SH3PXD2A: variants seen among roughly 807,000 people sequenced by gnomAD.
SH3PXD2A encodes SH3 and PX domains 2A.
SH3PXD2A carries 32 observed loss-of-function variants against 115.2 expected under a neutral mutation model. The observed-to-expected ratio is 0.28, with a 90% CI of 0.21 to 0.37. The LOEUF (loss-of-function observed/expected upper bound fraction) is 0.37, where lower values mean the gene tolerates loss of function less well. Among genes scored for constraint, SH3PXD2A ranks in the 10% least tolerant of loss-of-function variants. The probability of loss-of-function intolerance (pLI) is 1.00; values close to 1 mark genes in which losing one functional copy is unlikely to be tolerated. For synonymous variants in SH3PXD2A, 610 were observed against 629.1 expected (o/e 0.97, Z 0.45); for missense variants, 1,328 against 1,498.7 (o/e 0.89, Z 1.88).
intron 5 of SH3PXD2A, among the ~76,000 whole-genome samples, chr10:103,703,144 C>A (rs2037940414): frequency 6.6e-6 from 1 of 152,210 alleles, no homozygotes. Flanking sequence ...TTGTTTCTGC[C>A]TTGGCCTCTG....
intron 5 of SH3PXD2A, among the ~76,000 whole-genome samples, chr10:103,695,097 G>C (rs2037808685): frequency 6.6e-6 from 1 of 152,200 alleles, no homozygotes; most frequent in South Asian, 2.1e-4. Flanking sequence ...CTGGGGAAGG[G>C]CAGGGAGTGA....
At chr10:103,700,665 A>G (rs2037882120) in intron 5 of SH3PXD2A, among the ~76,000 whole-genome samples, 1 of 152,200 alleles carries the variant, frequency 6.6e-6, no homozygotes, top group African/African-American at 2.4e-5. Flanking sequence ...GATTTCTTAG[A>G]GGGCAAAATG....
At chr10:103,612,778 C>G in intron 12 of SH3PXD2A, 75 bp downstream of exon 12, 1 of 1,075,062 alleles carries the variant, frequency 9.3e-7, no homozygotes, top group Non-Finnish European at 1.3e-6. Context: ...GTGCACCCCC[C>G]TGGCTTTCAC....
chr10:103,829,941 G>A (rs2039468572), intron 1 of SH3PXD2A, among the ~76,000 whole-genome samples: 1 of 152,194 alleles, frequency 6.6e-6, no homozygotes, highest in African/African-American at 2.4e-5. Context: ...TTTAAACAGA[G>A]CTAAATCCCA....
At chr10:103,607,611 A>G (rs2036342270) in intron 13 of SH3PXD2A, among the ~76,000 whole-genome samples, 1 of 152,074 alleles carries the variant, frequency 6.6e-6, no homozygotes, top group Non-Finnish European at 1.5e-5. Context: ...CTGGGCAGTG[A>G]GGAGCCCCTC....
chr10:103,782,937 G>T (rs4918051), intron 2 of SH3PXD2A, among the ~76,000 whole-genome samples: 11 of 140,342 alleles, frequency 7.8e-5, no homozygotes, highest in Middle Eastern at 3.5e-3. Context: ...ATGCCTTGGG[G>T]GGGGGGGCTC....
At chr10:103,667,911 G>A (rs1209157520) in intron 7 of SH3PXD2A, among the ~76,000 whole-genome samples, 1 of 152,212 alleles carries the variant, frequency 6.6e-6, no homozygotes, top group Non-Finnish European at 1.5e-5. Context: ...ACTAAAGGTT[G>A]AAGGCAAGTC....
chr10:103,715,875 A>G (rs906929387), intron 5 of SH3PXD2A, among the ~76,000 whole-genome samples: 5 of 152,180 alleles, frequency 3.3e-5, no homozygotes, highest in Non-Finnish European at 7.3e-5. Flanking sequence ...TTCCTACGGG[A>G]ACCCTGAAGC....
At chr10:103,684,347 T>G (rs1303784903) in intron 6 of SH3PXD2A, among the ~76,000 whole-genome samples, 2 of 149,132 alleles carry the variant, frequency 1.3e-5, no homozygotes, top group African/African-American at 4.9e-5. Context: ...TAGAGGAACT[T>G]TTTCAGGTAG....
At chr10:103,661,703 T>G in intron 7 of SH3PXD2A, 1 of 985,096 alleles carries the variant, frequency 1.0e-6, no homozygotes, top group Non-Finnish European at 1.2e-6. Flanking sequence ...AGAGAGCTTC[T>G]CCACGGCCCA....
At chr10:103,659,410 G>A (rs2037259035) in intron 8 of SH3PXD2A, among the ~76,000 whole-genome samples, 1 of 152,218 alleles carries the variant, frequency 6.6e-6, no homozygotes, top group African/African-American at 2.4e-5. Context: ...CCTGATGCAA[G>A]CTCTACAACA....
chr10:103,595,984 T>G lies in SH3PXD2A; in HGVS notation c.*5832A>C, dbSNP rs913823110. On this transcript the variant is annotated 3_prime_UTR_variant, in exon 15 of 15. Coordinates refer to ENST00000369774, the MANE Select transcript of SH3PXD2A (RefSeq NM_001394015.1). ...ATGCAGCTTGGGAACCACAGAGACA[T>G]GAGACTGCACCAAACAGGGCTGATG... The G allele has an allele frequency of 6.6e-6, 1 of 152,374 alleles. No individual in the cohort carries two copies. The highest frequency in any genetic ancestry group is 1.5e-5 in the Non-Finnish European group (1 of 67,986). The allele number at this position is 152,374 out of a possible 1,614,324, so 9.4% of individuals were successfully genotyped here. A position where few individuals can be genotyped will look rare whatever the true frequency, so the allele number is the denominator to read the frequency against.
intron 5 of SH3PXD2A, among the ~76,000 whole-genome samples, chr10:103,702,025 C>T (rs2037918774): frequency 6.9e-6 from 1 of 144,376 alleles, no homozygotes; most frequent in Non-Finnish European, 1.5e-5. Context: ...CACCATCATC[C>T]ATCCACCATC....
chr10:103,616,965 C>A (rs954822397), intron 11 of SH3PXD2A, among the ~76,000 whole-genome samples: 1 of 152,292 alleles, frequency 6.6e-6, no homozygotes, highest in Admixed American at 6.5e-5. Context: ...GGCCTCTGTG[C>A]CCCGCTGGCT....
intron 5 of SH3PXD2A, among the ~76,000 whole-genome samples, chr10:103,699,737 T>C (rs921140391): frequency 6.2e-4 from 95 of 152,344 alleles, no homozygotes; most frequent in African/African-American, 2.2e-3. Flanking sequence ...GGCCATTCTC[T>C]GCCCCCATTT....
At chr10:103,808,037 G>C (rs561822738) in intron 1 of SH3PXD2A, among the ~76,000 whole-genome samples, 2 of 152,070 alleles carry the variant, frequency 1.3e-5, no homozygotes, top group African/African-American at 2.4e-5. Flanking sequence ...TTCTATCATG[G>C]GGGGGTTGGT....
Position 103,816,821 on chromosome 10 carries a change from A to C in SH3PXD2A, c.73-15459T>G, listed in dbSNP as rs577084002. ...ATGAGGAATGAACAAATAAAATGTG[A>C]CTTATCTATACAATAGAATATTATT... On this transcript the variant is annotated intron_variant, in intron 1 of 14. Coordinates refer to ENST00000369774, the MANE Select transcript of SH3PXD2A (RefSeq NM_001394015.1). 3.3e-5 allele frequency among the ~76,000 whole-genome samples: 5 copies of C among 152,284 alleles called. No individual in the cohort carries two copies. The South Asian group carries it at 1.0e-3, about 32-fold the overall frequency.
At chr10:103,822,374 T>C (rs1480071183) in intron 1 of SH3PXD2A, among the ~76,000 whole-genome samples, 1 of 152,262 alleles carries the variant, frequency 6.6e-6, no homozygotes, top group Non-Finnish European at 1.5e-5. Flanking sequence ...ATGTAACCCC[T>C]AGCTGTCCAA....
intron 2 of SH3PXD2A, among the ~76,000 whole-genome samples, chr10:103,769,575 G>A (rs1014254632): frequency 6.6e-6 from 1 of 151,742 alleles, no homozygotes; most frequent in South Asian, 2.1e-4. Context: ...GAGATTACAG[G>A]TGTGTGCCAC....
Sources: gnomAD v4.1 joint callset for allele counts (sites outside exome capture counted in the v4.1 genomes callset) on GRCh38, gnomAD v4.1.1 for gene constraint, MANE v1.5 for transcripts, NCBI Gene and HGNC (gene_info 2026-07-23, HGNC 2026-07-21) for gene names.